The following HMCN1 variants were observed in gnomAD, a reference collection of about 807,000 sequenced individuals.
HMCN1 encodes hemicentin-1.
Under a neutral mutation model 625.9 loss-of-function variants are expected in HMCN1, and 321 were observed. The ratio of observed to expected loss-of-function variants is 0.51; its 90% CI spans 0.47 to 0.56. The LOEUF (loss-of-function observed/expected upper bound fraction) is 0.56. Among genes scored for constraint, HMCN1 ranks in the 20% least tolerant of loss-of-function variants. The pLI is 0.00. For synonymous variants in HMCN1, 2,425 were observed against 2,417.6 expected (o/e 1.00, Z -0.09); for missense variants, 6,588 against 6,887.3 (o/e 0.96, Z 1.54).
chr1:185,962,183 A>C (rs1188301006), intron 11 of HMCN1, among the ~76,000 whole-genome samples: 1 of 152,148 alleles, frequency 6.6e-6, no homozygotes, highest in Non-Finnish European at 1.5e-5. Context: ...CTATTTAGAG[A>C]CTTTGCCTGG....
intron 2 of HMCN1, among the ~76,000 whole-genome samples, chr1:185,863,746 A>G (rs1417092885): frequency 6.6e-6 from 1 of 152,242 alleles, no homozygotes; most frequent in Non-Finnish European, 1.5e-5. Context: ...GAGCCTATTC[A>G]AGTAGAAAAT....
At chr1:185,903,817 A>G (rs7523598) in intron 4 of HMCN1, among the ~76,000 whole-genome samples, 1 of 151,794 alleles carries the variant, frequency 6.6e-6, no homozygotes, top group African/African-American at 2.4e-5. Flanking sequence ...CAGCTCATTC[A>G]TCTACCATGA....
intron 4 of HMCN1, among the ~76,000 whole-genome samples, chr1:185,877,875 C>T (rs1201307266): frequency 6.6e-6 from 1 of 151,754 alleles, no homozygotes; most frequent in Non-Finnish European, 1.5e-5. Context: ...TTTTCCTAAT[C>T]CTCTCCCTGC....
intron 36 of HMCN1, among the ~76,000 whole-genome samples, chr1:186,035,534 G>T (rs1655763282): frequency 6.6e-6 from 1 of 151,628 alleles, no homozygotes; most frequent in African/African-American, 2.4e-5. Flanking sequence ...TTATTTCTTG[G>T]TTTTTATATA....
At chr1:185,824,325 T>C (rs1660378282) in intron 1 of HMCN1, among the ~76,000 whole-genome samples, 1 of 152,200 alleles carries the variant, frequency 6.6e-6, no homozygotes, top group Non-Finnish European at 1.5e-5. Context: ...CAATCTCCTC[T>C]TTCTCTAAAC....
intron 72 of HMCN1, 131 bp from the exon 73 acceptor site, chr1:186,113,848 A>G (rs971100793): frequency 4.9e-6 from 5 of 1,014,464 alleles, no homozygotes; most frequent in Non-Finnish European, 7.8e-6. Context: ...TTCTACTTAT[A>G]CTAACCTAGA....
chr1:185,909,397 C>G lies in HMCN1; in HGVS notation c.682C>G (p.His228Asp). 1 of 1,613,046 alleles carries G rather than the reference C, an allele frequency of 6.2e-7. No individual in the cohort carries two copies. Among genetic ancestry groups the G allele is most frequent in the Non-Finnish European group, 8.5e-7 (1 of 1,179,136 alleles). The change falls in exon 5 of 107, where the codon CAT becomes GAT. Residue 228 changes from histidine (H) to aspartate (D), a missense_variant. Physicochemically the swap from His to Asp is moderately conservative, Grantham distance 81. Transcript: ENST00000271588. Reference protein sequence around the residue: ...ASKVHLLSTDHLEQAVNTWRI... With the variant: ...ASKVHLLSTDDLEQAVNTWRI... The stretch of plus-strand genomic sequence containing the variant: ...CAAAGTTCACCTTTTATCCACAGAT[C>G]ATTTGGAACAGGCTGTAAATACTTG...
At chr1:186,045,477 GAAGT>G (rs545719178) in intron 40 of HMCN1, among the ~76,000 whole-genome samples, 37 of 152,236 alleles carry the variant, frequency 2.4e-4, no homozygotes, top group African/African-American at 8.7e-4. Context: ...TTTTAAATAA[GAAGT>G]TAGTGAGAAA....
chr1:185,888,335 G>T (rs1360432075), intron 4 of HMCN1, among the ~76,000 whole-genome samples: 1 of 142,180 alleles, frequency 7.0e-6, no homozygotes, highest in Non-Finnish European at 1.5e-5. Context: ...TGTCAATTTT[G>T]TCTTTTGTTG....
chr1:185,837,163 C>T (rs906268350), intron 1 of HMCN1, among the ~76,000 whole-genome samples: 3 of 151,606 alleles, frequency 2.0e-5, no homozygotes, highest in South Asian at 2.1e-4. Flanking sequence ...ATATATGTAT[C>T]ACAAAATACG....
At chr1:185,753,175 C>T (rs757762161) in intron 1 of HMCN1, among the ~76,000 whole-genome samples, 3 of 152,040 alleles carry the variant, frequency 2.0e-5, no homozygotes, top group African/African-American at 2.4e-5. Flanking sequence ...TATACAATAA[C>T]TTCTTTAATC....
At chr1:186,171,502 T>C in intron 101 of HMCN1, 52 bp downstream of exon 101, 1 of 1,296,232 alleles carries the variant, frequency 7.7e-7, no homozygotes, top group East Asian at 2.3e-5. Flanking sequence ...AACTTCTTAA[T>C]GATGTCTGAT....
At chr1:185,815,889 G>A (rs553708447) in intron 1 of HMCN1, among the ~76,000 whole-genome samples, 1 of 149,870 alleles carries the variant, frequency 6.7e-6, no homozygotes, top group Non-Finnish European at 1.5e-5. Flanking sequence ...AAAATACTGT[G>A]TACTCCATAC....
intron 4 of HMCN1, among the ~76,000 whole-genome samples, chr1:185,870,851 T>C (rs779627655): frequency 1.3e-5 from 2 of 152,180 alleles, no homozygotes; most frequent in Non-Finnish European, 2.9e-5. Flanking sequence ...GGGGAATATG[T>C]GCCCAACCCC....
intron 46 of HMCN1, among the ~76,000 whole-genome samples, chr1:186,058,262 T>C (rs1657474404): frequency 6.6e-6 from 1 of 151,992 alleles, no homozygotes; most frequent in African/African-American, 2.4e-5. Flanking sequence ...ACTCTTAATA[T>C]GAAAAGATGT....
At chr1:186,110,098 A>G (rs1345904188) in intron 71 of HMCN1, among the ~76,000 whole-genome samples, 2 of 152,140 alleles carry the variant, frequency 1.3e-5, no homozygotes, top group Admixed American at 6.5e-5. Flanking sequence ...AATTACCTGT[A>G]TTTTCCAAGA....
chr1:186,060,467 C>T (rs1657613239), intron 46 of HMCN1, among the ~76,000 whole-genome samples: 1 of 152,084 alleles, frequency 6.6e-6, no homozygotes. Flanking sequence ...TTTGTTTCAT[C>T]TCATTTGTTG....
chr1:186,004,444 T>C (rs1163405191), intron 29 of HMCN1, among the ~76,000 whole-genome samples: 1 of 152,094 alleles, frequency 6.6e-6, no homozygotes, highest in African/African-American at 2.4e-5. Flanking sequence ...AATAAAAGAT[T>C]GTATTCAAGC....
intron 11 of HMCN1, among the ~76,000 whole-genome samples, chr1:185,945,326 G>T (rs1218472330): frequency 6.6e-6 from 1 of 152,088 alleles, no homozygotes; most frequent in Non-Finnish European, 1.5e-5. Flanking sequence ...AAAACAAATA[G>T]TTAAACACAT....
Sources: gnomAD v4.1 joint callset for allele counts (sites outside exome capture counted in the v4.1 genomes callset) on GRCh38, gnomAD v4.1.1 for gene constraint, MANE v1.5 for transcripts, NCBI Gene and HGNC (gene_info 2026-07-23, HGNC 2026-07-21) for gene names.